The following PCYT1B variants were observed in gnomAD, a reference collection of about 807,000 sequenced individuals.
The protein encoded by PCYT1B is phosphate cytidylyltransferase 1B, choline.
In PCYT1B, 10 loss-of-function variants were observed where a neutral mutation model predicts 26.4. That is an observed-to-expected ratio of 0.38 (90% CI 0.23 to 0.64). PCYT1B has a LOEUF of 0.64. Ranked by LOEUF, PCYT1B falls within the 30% of genes least tolerant of loss-of-function variation. The probability of loss-of-function intolerance (pLI) is 0.56; values close to 1 mark genes in which losing one functional copy is unlikely to be tolerated. For synonymous variants in PCYT1B, 131 were observed against 108.4 expected, an observed-to-expected ratio of 1.21 and a Z score of -1.29; for missense variants, 161 against 292.7, an observed-to-expected ratio of 0.55 and a Z score of 3.28.
chrX:24,616,215 A>G (rs1460115644), intron 2 of PCYT1B, among the ~76,000 whole-genome samples: 2 of 102,610 alleles, frequency 1.9e-5, no homozygotes, highest in African/African-American at 7.2e-5. Context: ...TGTTTTCTTC[A>G]TAACCACCTG....
intron 1 of PCYT1B, among the ~76,000 whole-genome samples, chrX:24,637,487 A>T (rs1411217830): frequency 7.1e-5 from 4 of 56,163 alleles, no homozygotes; most frequent in African/African-American, 5.9e-4. Flanking sequence ...ACTAAAAAAA[A>T]AAAAATATAT....
chrX:24,584,197 T>C (rs1432112285), intron 5 of PCYT1B, among the ~76,000 whole-genome samples: 1 of 110,521 alleles, frequency 9.0e-6, no homozygotes, highest in Admixed American at 9.7e-5. Context: ...GGCATGGTGG[T>C]GTGTGCCTGT....
At chrX:24,602,694 A>C (rs1301224527) in intron 3 of PCYT1B, among the ~76,000 whole-genome samples, 1 of 112,333 alleles carries the variant, frequency 8.9e-6, no homozygotes, top group Admixed American at 9.5e-5. Flanking sequence ...CTAAAAAATA[A>C]AGTTTATTAA....
chrX:24,607,940 T>G, intron 2 of PCYT1B, 79 bp from the exon 3 acceptor site: 1 of 524,657 alleles, frequency 1.9e-6, no homozygotes, highest in Non-Finnish European at 3.2e-6. Context: ...GTAAGAAACT[T>G]TCTGGATAAG....
chrX:24,665,840 G>GCA (rs1209511271), intron 1 of PCYT1B, among the ~76,000 whole-genome samples: 1 of 111,012 alleles, frequency 9.0e-6, no homozygotes, highest in Non-Finnish European at 1.9e-5. Flanking sequence ...GCAGGTAGGT[G>GCA]CACAAGTCTT....
chrX:24,581,348 G>A (rs61761925), intron 5 of PCYT1B, among the ~76,000 whole-genome samples: 1 of 111,427 alleles, frequency 9.0e-6, no homozygotes, highest in South Asian at 3.8e-4. Context: ...TGCAGGGGGG[G>A]ACTGCTGTTG....
At chrX:24,610,968 T>C (rs548053779) in intron 2 of PCYT1B, among the ~76,000 whole-genome samples, 1 of 112,465 alleles carries the variant, frequency 8.9e-6, no homozygotes, top group Admixed American at 9.5e-5. Flanking sequence ...ATATAAATGA[T>C]GACATAAGAT....
At chrX:24,638,287 G>A (rs1016313747) in intron 1 of PCYT1B, among the ~76,000 whole-genome samples, 1 of 111,316 alleles carries the variant, frequency 9.0e-6, no homozygotes, top group Non-Finnish European at 1.9e-5. Flanking sequence ...TTACACAGGC[G>A]CACACTACCA....
At chrX:24,657,599 G>T (rs1040906841) in intron 1 of PCYT1B, among the ~76,000 whole-genome samples, 2 of 111,987 alleles carry the variant, frequency 1.8e-5, no homozygotes, top group African/African-American at 6.5e-5. Context: ...ATGAAAAAGA[G>T]CAAATGTAGC....
At position 24,560,577 on chromosome X, in the gene PCYT1B, C is replaced by T. The variant is rs975258153; in HGVS notation, c.*1716G>A. On this transcript the variant is annotated 3_prime_UTR_variant, in exon 8 of 8. Transcript: ENST00000379144. ...GTGCCAAGAACAAAGAGGTTCCAAGCCAGCTCAGCCTCATAGTTTTGCTTC... is the reference window on the plus strand; with the variant it reads ...GTGCCAAGAACAAAGAGGTTCCAAGTCAGCTCAGCCTCATAGTTTTGCTTC... 8.9e-6 allele frequency: 1 copy of T among 112,029 alleles called. No individual in the cohort carries two copies. The highest frequency in any genetic ancestry group is 1.9e-5 in the Non-Finnish European group (1 of 53,205). 9.2% of individuals were successfully genotyped at this position (112,029 alleles called of 1,213,427 possible).
At chrX:24,629,571 AAAAAAAAAAAAAAAAAAAAC>A (rs1925987630) in intron 1 of PCYT1B, among the ~76,000 whole-genome samples, 2 of 98,593 alleles carry the variant, frequency 2.0e-5, no homozygotes, top group South Asian at 4.8e-4. Flanking sequence ...AAAAAAAAAA[AAAAAAAAAAAAAAAAAAAAC>A]AACACGTATT....
upstream of PCYT1B, among the ~76,000 whole-genome samples, chrX:24,651,726 G>C (rs1926787581): frequency 9.4e-6 from 1 of 105,863 alleles, no homozygotes; most frequent in Non-Finnish European, 1.9e-5. Flanking sequence ...TGTTGCCCAG[G>C]CTGGTCTTGA....
intron 1 of PCYT1B, among the ~76,000 whole-genome samples, chrX:24,624,508 C>T (rs1208387614): frequency 8.9e-6 from 1 of 112,090 alleles, no homozygotes; most frequent in Non-Finnish European, 1.9e-5. Context: ...CCAGAATCCA[C>T]TCTCTTTCTA....
At chrX:24,562,628 C>T in intron 7 of PCYT1B, 123 bp from the exon 8 acceptor site, 3 of 548,404 alleles carry the variant, frequency 5.5e-6, no homozygotes, top group Admixed American at 2.8e-5. Flanking sequence ...AACCTACACT[C>T]ATACCACATC....
At chrX:24,581,469 A>G (rs1478464030) in intron 5 of PCYT1B, among the ~76,000 whole-genome samples, 1 of 111,767 alleles carries the variant, frequency 8.9e-6, no homozygotes, top group Non-Finnish European at 1.9e-5. Context: ...CACAGACACA[A>G]TCTTTACCTG....
At chrX:24,639,727 C>T (rs1336967904) in intron 1 of PCYT1B, among the ~76,000 whole-genome samples, 1 of 111,743 alleles carries the variant, frequency 8.9e-6, no homozygotes. Flanking sequence ...ACTTTCAGTA[C>T]CCTTCCTCTT....
rs191106688 is a variant in PCYT1B, at chrX:24,633,036, C to T, written c.118-13952G>A. ...ACCAGCCTGACCAACATGGTGAAAC[C>T]GGGTCTCTACTAAAAATACAAAAAT... On this transcript the variant is annotated intron_variant, in intron 1 of 7. Coordinates refer to ENST00000379144, the MANE Select transcript of PCYT1B (RefSeq NM_004845.5). Among the ~76,000 whole-genome samples the T allele has an allele frequency of 8.3e-3, 893 of 107,305 alleles. 7 individuals are homozygous for T. Among genetic ancestry groups the T allele is most frequent in the African/African-American group, 0.029 (860 of 29,432 alleles). The allele number at this position is 107,305 out of a possible 115,157, so 93.2% of individuals were successfully genotyped here. A position where few individuals can be genotyped will look rare whatever the true frequency, so the allele number is the denominator to read the frequency against.
At chrX:24,604,108 A>G (rs1925049049) in intron 3 of PCYT1B, among the ~76,000 whole-genome samples, 1 of 105,665 alleles carries the variant, frequency 9.5e-6, no homozygotes, top group Non-Finnish European at 1.9e-5. Flanking sequence ...TTTTTTTGAG[A>G]CAGAATCTCA....
At chrX:24,623,988 T>C (rs993918036) in intron 1 of PCYT1B, among the ~76,000 whole-genome samples, 20 of 103,539 alleles carry the variant, frequency 1.9e-4, no homozygotes, top group Non-Finnish European at 3.0e-4. Context: ...TTTTTTTTTT[T>C]TGAGACAGAG....
Sources: allele counts gnomAD v4.1 joint callset (sites outside exome capture counted in the v4.1 genomes callset), GRCh38; gene constraint gnomAD v4.1.1; transcripts MANE v1.5; gene names NCBI Gene and HGNC (gene_info 2026-07-23, HGNC 2026-07-21).